Variants in DENND1A observed in about 807,000 individuals in gnomAD.
The protein encoded by DENND1A is DENN domain containing 1A, also known as DENN domain-containing protein 1A.
A neutral mutation model predicts 113.7 loss-of-function variants in DENND1A; 51 were observed. That is an observed-to-expected ratio of 0.45 (90% CI 0.36 to 0.57). The LOEUF (loss-of-function observed/expected upper bound fraction) is 0.57, where lower values mean the gene tolerates loss of function less well. Among genes scored for constraint, DENND1A ranks in the 20% least tolerant of loss-of-function variants. The pLI is 0.00. For missense variants in DENND1A, 1,258 were observed against 1,395.9 expected (o/e 0.90, Z 1.57); for synonymous variants, 565 against 570.8 (o/e 0.99, Z 0.14).
intron 11 of DENND1A, among the ~76,000 whole-genome samples, chr9:123,584,078 T>C (rs1028289513): frequency 6.6e-6 from 1 of 152,222 alleles, no homozygotes; most frequent in African/African-American, 2.4e-5. Flanking sequence ...CTAAGATCCA[T>C]CTTTGTGTTT....
chr9:123,529,359 T>C (rs936119881), intron 13 of DENND1A, among the ~76,000 whole-genome samples: 4 of 152,180 alleles, frequency 2.6e-5, no homozygotes, highest in Non-Finnish European at 4.4e-5. Flanking sequence ...CACTCAGCAC[T>C]CTGTGGGCGC....
intron 13 of DENND1A, among the ~76,000 whole-genome samples, chr9:123,516,310 G>A (rs927851273): frequency 6.6e-6 from 1 of 151,942 alleles, no homozygotes; most frequent in African/African-American, 2.4e-5. Flanking sequence ...CCAGAAAGAT[G>A]TATTTGTTAC....
At chr9:123,409,229 A>G (rs755455876) in intron 20 of DENND1A, among the ~76,000 whole-genome samples, 2 of 152,040 alleles carry the variant, frequency 1.3e-5, no homozygotes, top group Admixed American at 6.5e-5. Flanking sequence ...CAGACCTAAC[A>G]TGGCACTGGA....
In DENND1A at chr9:123,457,862, C is replaced by T. The variant is rs376685042; in HGVS notation, c.1029G>A (p.Val343=). The T allele has an allele frequency of 1.5e-4, 239 of 1,612,674 alleles. 3 individuals carry two copies. The East Asian group carries it at 2.9e-3, about 20-fold the overall frequency. Residue 343 remains valine (V), a synonymous_variant, in exon 14 of 24, where the codon GTG becomes GTA. Transcript: ENST00000394215. ...TCATGGCTCCGGAGCGGTAGTGGGA[C>T]ACGAAGGCTTCCTCACAGAAAGTGA... The part of the protein sequence containing the change: ...EPITFCEEAF[V]SHYRSGAMRQ...
intron 12 of DENND1A, among the ~76,000 whole-genome samples, chr9:123,568,624 G>A (rs2058183090): frequency 6.6e-6 from 1 of 152,230 alleles, no homozygotes; most frequent in African/African-American, 2.4e-5. Context: ...GAAGAGCTTG[G>A]TGTTTACAAA....
intron 8 of DENND1A, among the ~76,000 whole-genome samples, chr9:123,654,115 C>T (rs1357812367): frequency 6.6e-6 from 1 of 152,130 alleles, no homozygotes; most frequent in African/African-American, 2.4e-5. Context: ...CTTGGTTCCT[C>T]CACTGGACGG....
chr9:123,410,509 C>T (rs930436758), intron 20 of DENND1A, among the ~76,000 whole-genome samples: 15 of 152,084 alleles, frequency 9.9e-5, no homozygotes, highest in Admixed American at 2.0e-4. Context: ...AGTGTGGACT[C>T]GCGACGGTCA....
At chr9:123,410,421 A>C (rs916833101) in intron 20 of DENND1A, among the ~76,000 whole-genome samples, 2 of 152,192 alleles carry the variant, frequency 1.3e-5, no homozygotes, top group East Asian at 1.9e-4. Context: ...GCTCCTTGCC[A>C]GCTGTGTCGA....
chr9:123,509,177 G>A (rs2053229480), intron 13 of DENND1A, among the ~76,000 whole-genome samples: 1 of 152,204 alleles, frequency 6.6e-6, no homozygotes, highest in African/African-American at 2.4e-5. Context: ...ACACAGAGCA[G>A]CTGCAAAATT....
At chr9:123,581,650 C>A (rs987991939) in intron 12 of DENND1A, among the ~76,000 whole-genome samples, 2 of 151,948 alleles carry the variant, frequency 1.3e-5, no homozygotes, top group African/African-American at 4.8e-5. Context: ...AAGAAATTCT[C>A]CTGCAAGACT....
intron 12 of DENND1A, among the ~76,000 whole-genome samples, chr9:123,578,832 CAG>C (rs2058747040): frequency 7.7e-6 from 1 of 129,646 alleles, no homozygotes; most frequent in African/African-American, 3.2e-5. Flanking sequence ...AGAAAAGATT[CAG>C]TGTGTGTTTG....
chr9:123,542,287 C>T (rs1479779887), intron 13 of DENND1A, among the ~76,000 whole-genome samples: 2 of 152,158 alleles, frequency 1.3e-5, no homozygotes, highest in Non-Finnish European at 2.9e-5. Context: ...GATTCCCTTA[C>T]CTATTGTACA....
Position 123,798,797 on chromosome 9 carries a change from C to T in DENND1A, c.89-6167G>A, listed in dbSNP as rs548765410. Among the ~76,000 whole-genome samples the T allele has an allele frequency of 2.0e-5, 3 of 146,812 alleles. 1 individual carries two copies. In the South Asian group the frequency reaches 6.5e-4, roughly 32 times the overall value. On this transcript the variant is annotated intron_variant, in intron 2 of 23. Transcript: ENST00000394215. Reference sequence around the variant, plus strand: ...ATTTACCTTTTTCTCTACTGAATATCTTAGTTTTCAACTTTCATTATTACT... The same window carrying T: ...ATTTACCTTTTTCTCTACTGAATATTTTAGTTTTCAACTTTCATTATTACT...
At chr9:123,541,461 A>C (rs1465346545) in intron 13 of DENND1A, among the ~76,000 whole-genome samples, 3 of 152,216 alleles carry the variant, frequency 2.0e-5, no homozygotes, top group Non-Finnish European at 4.4e-5. Flanking sequence ...TGCTCAAGAC[A>C]ACCTCAAAAC....
At chr9:123,706,221 G>A (rs1170135821) in intron 5 of DENND1A, among the ~76,000 whole-genome samples, 3 of 150,334 alleles carry the variant, frequency 2.0e-5, no homozygotes, top group Admixed American at 6.6e-5. Context: ...CGCAATCTCG[G>A]CTCACTGCAA....
chr9:123,457,870 C>T lies in DENND1A; in HGVS notation c.1021G>A (p.Ala341Thr). 6.2e-7 allele frequency: 1 copy of T among 1,612,360 alleles called. No homozygotes were observed. The change falls in exon 14 of 24, where the codon GCC becomes ACC. Residue 341 changes from alanine to threonine, a missense_variant. Physicochemically the swap from Ala to Thr is moderately conservative, Grantham distance 58 (BLOSUM62 0). Coordinates refer to ENST00000394215, the MANE Select transcript of DENND1A (RefSeq NM_001352964.2). ...PEEPITFCEE[A>T]FVSHYRSGAM... ...CCGGAGCGGTAGTGGGACACGAAGG[C>T]TTCCTCACAGAAAGTGATCGGCTCC...
intron 3 of DENND1A, among the ~76,000 whole-genome samples, chr9:123,786,578 C>G (rs748590781): frequency 1.4e-4 from 21 of 152,206 alleles, no homozygotes; most frequent in Non-Finnish European, 2.8e-4. Flanking sequence ...GCAGATAGTA[C>G]ACTCAGCAAT....
chr9:123,689,708 G>A (rs771011444), intron 5 of DENND1A, among the ~76,000 whole-genome samples: 1 of 152,084 alleles, frequency 6.6e-6, no homozygotes, highest in Admixed American at 6.5e-5. Flanking sequence ...GGTGGCTCAC[G>A]CCTATAAACC....
chr9:123,457,720 T>A, intron 14 of DENND1A, 73 bp downstream of exon 14: 1 of 1,421,718 alleles, frequency 7.0e-7, no homozygotes, highest in South Asian at 1.3e-5. Context: ...GCGGCCTCAG[T>A]ACTTAGAGTG....
Sources: allele counts gnomAD v4.1 joint callset (sites outside exome capture counted in the v4.1 genomes callset), GRCh38; gene constraint gnomAD v4.1.1; transcripts MANE v1.5; gene names NCBI Gene and HGNC (gene_info 2026-07-23, HGNC 2026-07-21).